Variants in PPP6R2 observed in about 807,000 individuals in gnomAD.
PPP6R2 encodes serine/threonine-protein phosphatase 6 regulatory subunit 2.
Under a neutral mutation model 100.2 loss-of-function variants are expected in PPP6R2, and 62 were observed. The ratio of observed to expected loss-of-function variants is 0.62; its 90% CI spans 0.50 to 0.76. PPP6R2 has a LOEUF of 0.76. Ranked by LOEUF, PPP6R2 falls within the 30% of genes least tolerant of loss-of-function variation. The pLI, the probability that PPP6R2 is intolerant of heterozygous loss-of-function variation, is 0.00. For missense variants in PPP6R2, 1,142 were observed against 1,276.3 expected (o/e 0.89, Z 1.60); for synonymous variants, 525 against 514.7 (o/e 1.02, Z -0.27).
intron 2 of PPP6R2, among the ~76,000 whole-genome samples, chr22:50,378,501 G>C (rs2052129692): frequency 1.3e-5 from 2 of 151,464 alleles, no homozygotes; most frequent in South Asian, 4.2e-4. Flanking sequence ...CAGGAGAACT[G>C]CTTGAACCTG....
upstream of PPP6R2, among the ~76,000 whole-genome samples, chr22:50,340,876 C>T (rs2042363733): frequency 6.6e-6 from 1 of 151,808 alleles, no homozygotes; most frequent in Non-Finnish European, 1.5e-5. Flanking sequence ...GGCAAGAGCT[C>T]CTAGGGGTAG....
upstream of PPP6R2, among the ~76,000 whole-genome samples, chr22:50,339,838 GT>G (rs2042350918): frequency 2.4e-5 from 1 of 41,608 alleles, no homozygotes; most frequent in African/African-American, 2.8e-4. Flanking sequence ...AGTGTGTGTG[GT>G]GTGTGGTGTG....
chr22:50,338,428 T>G (rs2042327785), upstream of PPP6R2, among the ~76,000 whole-genome samples: 1 of 139,118 alleles, frequency 7.2e-6, no homozygotes, highest in African/African-American at 2.9e-5. Context: ...GTAGGGTGTG[T>G]GGTGTGTGTA....
At chr22:50,435,653 C>T (rs2064076784) in intron 13 of PPP6R2, among the ~76,000 whole-genome samples, 1 of 152,154 alleles carries the variant, frequency 6.6e-6, no homozygotes, top group African/African-American at 2.4e-5. Context: ...GATAGTCCTC[C>T]CCGCACCCCA....
intron 4 of PPP6R2, among the ~76,000 whole-genome samples, chr22:50,410,110 A>G (rs1321769626): frequency 1.3e-5 from 2 of 151,450 alleles, no homozygotes; most frequent in Admixed American, 6.6e-5. Context: ...GAATAAGCAA[A>G]TTTTAGAATG....
At position 50,440,977 on chromosome 22, in the gene PPP6R2, G is replaced by A. The variant is rs747053061; in HGVS notation, c.2530G>A (p.Glu844Lys). 3.7e-6 allele frequency: 6 copies of A among 1,611,498 alleles called. No individual in the cohort carries two copies. The South Asian group carries it at 6.6e-5, about 18-fold the overall frequency. ...MDAVSRGPGREAPPLPTVART... is the reference protein window; with the variant it reads ...MDAVSRGPGRKAPPLPTVART... ...TGCGGTGAGCAGGGGTCCCGGCCGG[G>A]AGGCCCCCCCGCTGCCCACAGTGGC... The change falls in exon 22 of 24, where the codon GAG becomes AAG. Residue 844 changes from glutamate (E) to lysine (K), a missense_variant. Physicochemically the swap from Glu to Lys is moderately conservative, Grantham distance 56. This residue lies in a region of PPP6R2 where 550 missense variants were observed against 517.4 expected (regional missense o/e 1.06). Coordinates refer to ENST00000612753, the MANE Select transcript of PPP6R2 (RefSeq NM_001242898.2).
At chr22:50,367,170 C>T (rs771020346) in intron 1 of PPP6R2, among the ~76,000 whole-genome samples, 1 of 151,758 alleles carries the variant, frequency 6.6e-6, no homozygotes, top group Non-Finnish European at 1.5e-5. Flanking sequence ...GATGCCTGGA[C>T]AGGGGAGCAG....
Position 50,440,902 on chromosome 22 carries a change from G to T in PPP6R2, c.2455G>T (p.Gly819Trp), listed in dbSNP as rs201778565. The change falls in exon 22 of 24, where the codon GGG becomes TGG. Residue 819 changes from glycine to tryptophan, a missense_variant. Coordinates refer to ENST00000612753, the MANE Select transcript of PPP6R2 (RefSeq NM_001242898.2). ...GCTGGCCTCTGACAGTAGCTCCTCTGGGGGCTCCCACAGCGAGGATGGCGA... is the reference window on the plus strand; with the variant it reads ...GCTGGCCTCTGACAGTAGCTCCTCTTGGGGCTCCCACAGCGAGGATGGCGA... ...PLLASDSSSS[G>W]GSHSEDGDQK... is the part of the protein sequence containing the mutation. 2 of 1,613,790 alleles carry T rather than the reference G, an allele frequency of 1.2e-6. No homozygotes were observed. The highest frequency in any genetic ancestry group is 2.2e-5 in the East Asian group (1 of 44,882).
At chr22:50,338,376 GTATA>G (rs1055024673), upstream of PPP6R2, among the ~76,000 whole-genome samples, 5 of 141,728 alleles carry the variant, frequency 3.5e-5, no homozygotes, top group African/African-American at 1.3e-4. Flanking sequence ...TGTGTGTATG[GTATA>G]TAGTGTCTGT....
the PPP6R2 span, among the ~76,000 whole-genome samples, chr22:50,335,389 G>A: frequency 2.7e-5 from 4 of 149,424 alleles, no homozygotes; most frequent in South Asian, 2.1e-4. Flanking sequence ...TAGTAGTGAC[G>A]GGGTTTCACC....
chr22:50,406,773 C>G lies in PPP6R2; in HGVS notation c.312C>G (p.Ser104Arg). The G allele has an allele frequency of 6.2e-7, 1 of 1,614,026 alleles. No individual in the cohort carries two copies. Reference sequence around the variant, plus strand: ...TCGGTGGGGACGAGAGCCTGCTGAGCCTCCTGTACGACTTCTTGGACCATG... The same window carrying G: ...TCGGTGGGGACGAGAGCCTGCTGAGGCTCCTGTACGACTTCTTGGACCATG... ...DRLGGDESLL[S>R]LLYDFLDHEP... Residue 104 changes from serine to arginine, a missense_variant, in exon 4 of 24, where the codon AGC (serine) becomes AGG (arginine). Physicochemically the swap from Ser to Arg is moderately radical, Grantham distance 110 (BLOSUM62 -1). Around this residue, in one of 2 missense-constraint regions of PPP6R2, gnomAD observed 592 missense variants for 758.9 expected, o/e 0.78. Coordinates refer to ENST00000612753, the MANE Select transcript of PPP6R2 (RefSeq NM_001242898.2).
intron 2 of PPP6R2, among the ~76,000 whole-genome samples, chr22:50,380,176 G>A (rs1014010723): frequency 6.6e-6 from 1 of 152,022 alleles, no homozygotes; most frequent in Non-Finnish European, 1.5e-5. Context: ...CTAGCTTGTA[G>A]AGACCCCGTG....
Position 50,423,352 on chromosome 22 carries a change from G to A in PPP6R2, c.973-110G>A, listed in dbSNP as rs571162147. 14 of 1,384,004 alleles carry A rather than the reference G, an allele frequency of 1.0e-5. No individual in the cohort carries two copies. The highest frequency in any genetic ancestry group is 2.3e-5 in the East Asian group (1 of 42,672). The allele number at this position is 1,384,004 out of a possible 1,614,324, so 85.7% of individuals were successfully genotyped here. ...CTGAGGAACCCCCACCACATACCTC[G>A]CTACCCCAGGCTGGGTCCCAGCCTA... On this transcript the variant is annotated intron_variant, in intron 9 of 23. Coordinates refer to ENST00000612753, the MANE Select transcript of PPP6R2 (RefSeq NM_001242898.2). The surrounding 1 kb of genome is among the most constrained non-coding windows in gnomAD (Gnocchi z 4.8).
chr22:50,365,568 A>G, intron 1 of PPP6R2, among the ~76,000 whole-genome samples: 1 of 151,106 alleles, frequency 6.6e-6, no homozygotes, highest in African/African-American at 2.4e-5. Context: ...AGTCCCAGCT[A>G]CTCGGGAGGC....
intron 3 of PPP6R2, among the ~76,000 whole-genome samples, chr22:50,396,089 G>T (rs999642399): frequency 2.0e-5 from 3 of 151,232 alleles, no homozygotes; most frequent in Admixed American, 6.6e-5. Context: ...CAGCTACTCC[G>T]GGAGGCTGAA....
chr22:50,368,876 A>G (rs2049339159), intron 1 of PPP6R2, among the ~76,000 whole-genome samples: 1 of 152,200 alleles, frequency 6.6e-6, no homozygotes, highest in South Asian at 2.1e-4. Context: ...CACACTGAGT[A>G]GAATTTGTTA....
rs930061579 is a variant in PPP6R2 at position 50,423,668 on chromosome 22, C to T, written c.1125+54C>T. Reference sequence around the variant, plus strand: ...TGTCTGTGAGTGTGCCGGGCATGGCCTGTGGACTTGTCAGGAGCAGCAGAG... The same window carrying T: ...TGTCTGTGAGTGTGCCGGGCATGGCTTGTGGACTTGTCAGGAGCAGCAGAG... On this transcript the variant is annotated intron_variant, in intron 10 of 23. Coordinates refer to ENST00000612753, the MANE Select transcript of PPP6R2 (RefSeq NM_001242898.2). The surrounding 1 kb of genome is among the most constrained non-coding windows in gnomAD (Gnocchi z 4.8). 6.2e-7 allele frequency: 1 copy of T among 1,600,856 alleles called. No homozygotes were observed. The highest frequency in any genetic ancestry group is 1.1e-5 in the South Asian group (1 of 90,294).
chr22:50,442,137 G>A (rs780047034), intron 22 of PPP6R2, among the ~76,000 whole-genome samples: 50 of 152,154 alleles, frequency 3.3e-4, no homozygotes, highest in Non-Finnish European at 4.9e-4. Context: ...CAGCCTCACC[G>A]CCCAATGCAG....
At chr22:50,436,962 C>A in intron 14 of PPP6R2, 26 bp from the exon 15 acceptor site, 1 of 1,544,660 alleles carries the variant, frequency 6.5e-7, no homozygotes, top group Non-Finnish European at 8.8e-7. Flanking sequence ...GGCTCACACG[C>A]CCACCCCATC....
Sources: gnomAD v4.1 joint callset for allele counts (sites outside exome capture counted in the v4.1 genomes callset) on GRCh38, gnomAD v4.1.1 for gene constraint, gnomAD v4.1.1 regional missense constraint, Gnocchi (gnomAD v3.1) non-coding constraint, MANE v1.5 for transcripts, NCBI Gene and HGNC (gene_info 2026-07-23, HGNC 2026-07-21) for gene names.